The following GABPB2 variants were observed in gnomAD, a reference collection of about 807,000 sequenced individuals.
The protein encoded by GABPB2 is GA-binding protein subunit beta-2.
GABPB2 carries 23 observed loss-of-function variants against 39.1 expected under a neutral mutation model. That is an observed-to-expected ratio of 0.59 (90% CI 0.42 to 0.83). The LOEUF is 0.83. Ranked by LOEUF, GABPB2 falls within the 40% of genes least tolerant of loss-of-function variation. The probability of loss-of-function intolerance (pLI) is 0.00; values close to 1 mark genes in which losing one functional copy is unlikely to be tolerated. For synonymous variants in GABPB2, 184 were observed against 199.3 expected (o/e 0.92, Z 0.65); for missense variants, 467 against 541.1 (o/e 0.86, Z 1.36).
At chr1:151,101,428 G>T (rs1008758695) in intron 5 of GABPB2, among the ~76,000 whole-genome samples, 4 of 151,944 alleles carry the variant, frequency 2.6e-5, no homozygotes, top group Non-Finnish European at 5.9e-5. Flanking sequence ...ACAAAAATTA[G>T]CTGGGCATGG....
chr1:151,090,803 C>T (rs1223348289), intron 3 of GABPB2, among the ~76,000 whole-genome samples: 2 of 151,526 alleles, frequency 1.3e-5, no homozygotes, highest in Non-Finnish European at 2.9e-5. Context: ...ACCAGCCAGA[C>T]CAACATGGTG....
intron 1 of GABPB2, among the ~76,000 whole-genome samples, chr1:151,074,411 C>T (rs1022958908): frequency 1.3e-5 from 2 of 150,012 alleles, no homozygotes; most frequent in African/African-American, 4.9e-5. Context: ...CCTGGGTTCA[C>T]GCCATTATCC....
At chr1:151,097,004 T>C (rs1419094425) in intron 4 of GABPB2, among the ~76,000 whole-genome samples, 1 of 152,044 alleles carries the variant, frequency 6.6e-6, no homozygotes, top group African/African-American at 2.4e-5. Flanking sequence ...CTTGGCCTCC[T>C]GGGTTCAAGC....
chr1:151,080,544 T>TAAATAAATA (rs1553260954), intron 1 of GABPB2, among the ~76,000 whole-genome samples: 3 of 147,194 alleles, frequency 2.0e-5, no homozygotes, highest in African/African-American at 7.6e-5. Flanking sequence ...AATAAATAAA[T>TAAATAAATA]AAATAAAATA....
chr1:151,106,185 C>A (rs1323235693), intron 6 of GABPB2, among the ~76,000 whole-genome samples: 1 of 151,826 alleles, frequency 6.6e-6, no homozygotes, highest in Non-Finnish European at 1.5e-5. Context: ...TGGTCTCGAA[C>A]CCCTGACCTC....
In GABPB2 at chr1:151,115,819, T is replaced by C. The variant is rs1170362848; in HGVS notation, c.923-1573T>C. 4.6e-5 allele frequency among the ~76,000 whole-genome samples: 7 copies of C among 152,280 alleles called. No individual in the cohort carries two copies. The East Asian group carries it at 1.4e-3, about 29-fold the overall frequency. ...GGTATCATCACTTTTTAAAAAACTT[T>C]TAGCCCGGCACAGTGGCTCACACTT... On this transcript the variant is annotated intron_variant, in intron 7 of 8. Transcript: ENST00000368918.
intron 1 of GABPB2, among the ~76,000 whole-genome samples, chr1:151,079,589 CAG>C (rs1332020436): frequency 6.6e-6 from 1 of 151,452 alleles, no homozygotes; most frequent in Non-Finnish European, 1.5e-5. Flanking sequence ...AAGCAGACTA[CAG>C]TATAAAACAC....
intron 2 of GABPB2, among the ~76,000 whole-genome samples, chr1:151,089,562 C>A (rs587659684): frequency 6.6e-6 from 1 of 152,158 alleles, no homozygotes; most frequent in Non-Finnish European, 1.5e-5. Context: ...TGGCAAAAAA[C>A]TTTTCTTCCA....
At chr1:151,087,868 A>G (rs587601452) in intron 1 of GABPB2, among the ~76,000 whole-genome samples, 3 of 152,274 alleles carry the variant, frequency 2.0e-5, no homozygotes, top group Admixed American at 6.5e-5. Flanking sequence ...TTAAAATAAT[A>G]TTGTACCCTT....
rs184202919 is a variant in GABPB2 at position 151,116,020 on chromosome 1, T to A, written c.923-1372T>A. Among the ~76,000 whole-genome samples, 526 of 152,196 alleles carry A rather than the reference T, an allele frequency of 3.5e-3. 7 individuals are homozygous for A. Among genetic ancestry groups the A allele is most frequent in the African/African-American group, 0.012 (494 of 41,530 alleles). ...CAGGAGGCTGAGGCAGGAGAATTGC[T>A]TGAACCCAGGAGGTGGGGGTTGCAG... On this transcript the variant is annotated intron_variant, in intron 7 of 8. Transcript: ENST00000368918.
At chr1:151,086,922 T>A (rs1385304302) in intron 1 of GABPB2, among the ~76,000 whole-genome samples, 3 of 152,340 alleles carry the variant, frequency 2.0e-5, no homozygotes, top group African/African-American at 7.2e-5. Context: ...TGGTGCGATC[T>A]CAGCTCATTG....
intron 7 of GABPB2, among the ~76,000 whole-genome samples, chr1:151,114,538 A>T (rs1279288241): frequency 6.6e-6 from 1 of 152,050 alleles, no homozygotes; most frequent in Non-Finnish European, 1.5e-5. Context: ...TCTCTACTAA[A>T]AATACAAAAA....
At chr1:151,094,386 C>T (rs1282463998) in intron 4 of GABPB2, among the ~76,000 whole-genome samples, 1 of 135,820 alleles carries the variant, frequency 7.4e-6, no homozygotes, top group African/African-American at 2.7e-5. Context: ...CCCCCGACCC[C>T]GAGATAGAGT....
rs587676759 is a variant in GABPB2 at position 151,114,927 on chromosome 1, TTGAACCTGGGAGGTGGAGGTTGCAG to T, written c.923-2461_923-2437del. On this transcript the variant is annotated intron_variant, in intron 7 of 8. Coordinates refer to ENST00000368918, the MANE Select transcript of GABPB2 (RefSeq NM_144618.3). ...CGGGAGGCTGAGGTAGGAGAATCACTTGAACCTGGGAGGTGGAGGTTGCAGTGAGCCAGCATCATTGCACTGCACT... is the reference window on the plus strand; with the variant it reads ...CGGGAGGCTGAGGTAGGAGAATCACTTGAGCCAGCATCATTGCACTGCACT... 5.2e-4 allele frequency among the ~76,000 whole-genome samples: 79 copies of T among 152,102 alleles called. 2 individuals carry two copies. In the South Asian group the frequency reaches 0.016, roughly 31 times the overall value.
chr1:151,083,888 C>A (rs1053603538), intron 1 of GABPB2, among the ~76,000 whole-genome samples: 1 of 150,098 alleles, frequency 6.7e-6, no homozygotes, highest in African/African-American at 2.4e-5. Flanking sequence ...TTACAGGCAC[C>A]CGCCACCATG....
intron 1 of GABPB2, among the ~76,000 whole-genome samples, chr1:151,077,572 G>A (rs1677284295): frequency 6.6e-6 from 1 of 151,480 alleles, no homozygotes; most frequent in South Asian, 2.1e-4. Context: ...GGCCAGAATG[G>A]TCTTGTTCTC....
rs1188259509 is a variant in GABPB2 at position 151,093,103 on chromosome 1, C to G, written c.277-89C>G. 4.9e-6 allele frequency: 5 copies of G among 1,017,222 alleles called. No individual in the cohort carries two copies. In the African/African-American group the frequency reaches 8.2e-5, roughly 17 times the overall value. 63.0% of individuals were successfully genotyped at this position (1,017,222 alleles called of 1,614,324 possible). On this transcript the variant is annotated intron_variant, in intron 3 of 8. Transcript: ENST00000368918. Reference sequence around the variant, plus strand: ...TGATCTAGATTTGAGTACGTAATCTCTATGGAAATCCTCTGTATTTGATGA... The same window carrying G: ...TGATCTAGATTTGAGTACGTAATCTGTATGGAAATCCTCTGTATTTGATGA...
At chr1:151,081,723 C>T (rs1677718160) in intron 1 of GABPB2, among the ~76,000 whole-genome samples, 1 of 152,040 alleles carries the variant, frequency 6.6e-6, no homozygotes, top group Admixed American at 6.6e-5. Context: ...CAACCACCAC[C>T]TCCCAGGTTC....
chr1:151,078,077 C>G (rs1677339604), intron 1 of GABPB2, among the ~76,000 whole-genome samples: 1 of 148,992 alleles, frequency 6.7e-6, no homozygotes, highest in South Asian at 2.1e-4. Context: ...TCAAGCCTCG[C>G]CTGACCAACA....
Sources: allele counts gnomAD v4.1 joint callset (sites outside exome capture counted in the v4.1 genomes callset), GRCh38; gene constraint gnomAD v4.1.1; transcripts MANE v1.5; gene names NCBI Gene and HGNC (gene_info 2026-07-23, HGNC 2026-07-21).